The following ARFGEF3 variants were observed in gnomAD, a reference collection of about 807,000 sequenced individuals.
ARFGEF3 encodes ARFGEF family member 3.
A neutral mutation model predicts 221.7 loss-of-function variants in ARFGEF3; 96 were observed. The observed-to-expected ratio is 0.43, with a 90% CI of 0.37 to 0.51. The LOEUF (loss-of-function observed/expected upper bound fraction) is 0.51. ARFGEF3 is among the 20% of genes least tolerant of loss of function. The probability of loss-of-function intolerance (pLI) is 0.00; values close to 1 mark genes in which losing one functional copy is unlikely to be tolerated. For synonymous variants in ARFGEF3, 1,145 were observed against 1,126.8 expected, an observed-to-expected ratio of 1.02 and a Z score of -0.32; for missense variants, 2,410 against 2,789.9, an observed-to-expected ratio of 0.86 and a Z score of 3.07.
chr6:138,201,753 C>G (rs1239746487), intron 2 of ARFGEF3, among the ~76,000 whole-genome samples: 5 of 152,174 alleles, frequency 3.3e-5, no homozygotes, highest in African/African-American at 9.7e-5. Flanking sequence ...GCACCAGGAT[C>G]TCACAAATCA....
rs1181856398 is a variant in ARFGEF3, at chr6:138,342,617, G to C, written c.*6131G>C. 6.6e-6 allele frequency: 1 copy of C among 152,174 alleles called. No homozygotes were observed. The highest frequency in any genetic ancestry group is 1.5e-5 in the Non-Finnish European group (1 of 68,018). The allele number at this position is 152,174 out of a possible 1,614,324, so 9.4% of individuals were successfully genotyped here. ...TGACCCTTTGACTTGTACTGAAGGT[G>C]ATTTTAAATTTAAGTATGTAGTGTT... is the stretch of plus-strand genomic sequence containing the variant. On this transcript the variant is annotated 3_prime_UTR_variant, in exon 34 of 34. Coordinates refer to ENST00000251691, the MANE Select transcript of ARFGEF3 (RefSeq NM_020340.5).
intron 4 of ARFGEF3, among the ~76,000 whole-genome samples, chr6:138,225,513 C>G (rs1027737700): frequency 6.6e-6 from 1 of 152,224 alleles, no homozygotes; most frequent in Non-Finnish European, 1.5e-5. Flanking sequence ...AAGCACTTAT[C>G]ACAGTCAGCC....
intron 14 of ARFGEF3, among the ~76,000 whole-genome samples, chr6:138,284,471 G>A (rs1462460976): frequency 2.0e-5 from 3 of 152,144 alleles, no homozygotes; most frequent in African/African-American, 7.2e-5. Flanking sequence ...TTGGGGCCTT[G>A]GCGAGCCTGA....
At chr6:138,286,614 C>T (rs767045922) in intron 15 of ARFGEF3, 87 bp from the exon 16 acceptor site, 5 of 1,030,234 alleles carry the variant, frequency 4.9e-6, no homozygotes, top group East Asian at 2.4e-5. Flanking sequence ...CTGAGTACTG[C>T]TCATTTGATA....
intron 2 of ARFGEF3, among the ~76,000 whole-genome samples, chr6:138,187,542 C>T (rs889830628): frequency 6.6e-6 from 1 of 152,186 alleles, no homozygotes; most frequent in African/African-American, 2.4e-5. Flanking sequence ...TTGGGTAGCG[C>T]CCAGCCTGCA....
At chr6:138,252,594 T>C (rs1276155019) in intron 8 of ARFGEF3, among the ~76,000 whole-genome samples, 1 of 152,206 alleles carries the variant, frequency 6.6e-6, no homozygotes, top group African/African-American at 2.4e-5. Flanking sequence ...CTAGTTGGCC[T>C]GCATGAGCCT....
chr6:138,180,969 T>C (rs1292313999), intron 2 of ARFGEF3, among the ~76,000 whole-genome samples: 2 of 152,222 alleles, frequency 1.3e-5, no homozygotes, highest in Non-Finnish European at 2.9e-5. Context: ...AGACAAAGAA[T>C]ATTCTTGTCT....
chr6:138,257,252 C>T (rs1050135488), intron 10 of ARFGEF3, among the ~76,000 whole-genome samples: 1 of 152,114 alleles, frequency 6.6e-6, no homozygotes, highest in Non-Finnish European at 1.5e-5. Context: ...TGGCCCTTCC[C>T]CAGGGTCCTC....
intron 1 of ARFGEF3, among the ~76,000 whole-genome samples, chr6:138,167,706 C>G (rs574239166): frequency 6.6e-6 from 1 of 152,338 alleles, no homozygotes; most frequent in African/African-American, 2.4e-5. Context: ...AATAAGCTGC[C>G]TTCTCTTTTT....
intron 2 of ARFGEF3, among the ~76,000 whole-genome samples, chr6:138,178,401 G>A (rs1776998121): frequency 1.3e-5 from 2 of 152,170 alleles, no homozygotes; most frequent in Admixed American, 1.3e-4. Context: ...ATTGCCCAGT[G>A]TGTGTCTTAT....
At chr6:138,278,409 C>T (rs1044044484) in intron 12 of ARFGEF3, 42 bp from the exon 13 acceptor site, 19 of 1,594,124 alleles carry the variant, frequency 1.2e-5, no homozygotes, top group South Asian at 2.2e-5. Context: ...TTGCCAAGCA[C>T]ACTGTTCACA....
intron 1 of ARFGEF3, among the ~76,000 whole-genome samples, chr6:138,165,356 C>T (rs1301757512): frequency 6.6e-6 from 1 of 150,530 alleles, no homozygotes; most frequent in Admixed American, 6.6e-5. Context: ...GGGATCATCC[C>T]CCTCTGAGAC....
chr6:138,254,241 A>C (rs1778633460), intron 9 of ARFGEF3, among the ~76,000 whole-genome samples: 1 of 151,456 alleles, frequency 6.6e-6, no homozygotes, highest in Non-Finnish European at 1.5e-5. Flanking sequence ...ACATGATGAA[A>C]CCTCGTCTCT....
At chr6:138,165,453 T>C (rs1026773698) in intron 1 of ARFGEF3, among the ~76,000 whole-genome samples, 1 of 137,602 alleles carries the variant, frequency 7.3e-6, no homozygotes, top group African/African-American at 2.8e-5. Context: ...GGAGAGAGGG[T>C]CATTCCCCAC....
chr6:138,333,964 T>C lies in ARFGEF3; in HGVS notation c.5124-6T>C, dbSNP rs1389247519. 1.9e-6 allele frequency: 3 copies of C among 1,600,710 alleles called. No individual in the cohort carries two copies. Among genetic ancestry groups the C allele is most frequent in the Admixed American group, 3.4e-5 (2 of 59,192 alleles). On this transcript the variant is annotated splice_polypyrimidine_tract_variant and splice_region_variant and intron_variant, in intron 32 of 33. Coordinates refer to ENST00000251691, the MANE Select transcript of ARFGEF3 (RefSeq NM_020340.5). ...CATTAATCGAGCCCTCTCTTTTCACTTGAAGCGTGTCTTTCAGGGAAATTG... is the reference window on the plus strand; with the variant it reads ...CATTAATCGAGCCCTCTCTTTTCACCTGAAGCGTGTCTTTCAGGGAAATTG...
chr6:138,218,575 A>C, intron 4 of ARFGEF3: 1 of 1,113,970 alleles, frequency 9.0e-7, no homozygotes, highest in Non-Finnish European at 1.2e-6. Context: ...CCTACGAGGT[A>C]GAGTTTTATG....
intron 12 of ARFGEF3, among the ~76,000 whole-genome samples, chr6:138,265,049 G>C (rs6923824): frequency 6.6e-6 from 1 of 151,392 alleles, no homozygotes; most frequent in African/African-American, 2.4e-5. Flanking sequence ...GACTACAGGC[G>C]CCCACCACCA....
rs537457937 is a variant in ARFGEF3, at chr6:138,232,579, T to A, written c.420+2727T>A. Among the ~76,000 whole-genome samples, 5 of 152,334 alleles carry A rather than the reference T, an allele frequency of 3.3e-5. No homozygotes were observed. In the East Asian group the frequency reaches 9.6e-4, roughly 29 times the overall value. The stretch of plus-strand genomic sequence containing the variant: ...ATTGACTTATGGAAACTTCCAGTCT[T>A]TGATTCTGTAGCTTGCTATCAGGGT... On this transcript the variant is annotated intron_variant, in intron 5 of 33. Transcript: ENST00000251691.
At chr6:138,309,941 T>G (rs750964598) in intron 24 of ARFGEF3, among the ~76,000 whole-genome samples, 6 of 152,146 alleles carry the variant, frequency 3.9e-5, no homozygotes, top group South Asian at 2.1e-4. Flanking sequence ...AGAACCAACC[T>G]CACAGACACA....
Sources: gnomAD v4.1 joint callset for allele counts (sites outside exome capture counted in the v4.1 genomes callset) on GRCh38, gnomAD v4.1.1 for gene constraint, MANE v1.5 for transcripts, NCBI Gene and HGNC (gene_info 2026-07-23, HGNC 2026-07-21) for gene names.